The following ADAM18 variants were observed in gnomAD, a reference collection of about 807,000 sequenced individuals.
The protein encoded by ADAM18 is disintegrin and metalloproteinase domain-containing protein 18.
In ADAM18, 117 loss-of-function variants were observed where a neutral mutation model predicts 94.4. The observed-to-expected ratio is 1.24, with a 90% CI of 1.07 to 1.45. The LOEUF is 1.45. Ranked by LOEUF, ADAM18 falls within the 40% of genes most tolerant of loss-of-function variation. The pLI, the probability that ADAM18 is intolerant of heterozygous loss-of-function variation, is 0.00. For synonymous variants in ADAM18, 327 were observed against 291.6 expected (o/e 1.12, Z -1.24); for missense variants, 936 against 880.0 (o/e 1.06, Z -0.81).
chr8:39,691,467 C>A (rs1821778831), intron 16 of ADAM18, among the ~76,000 whole-genome samples: 1 of 152,154 alleles, frequency 6.6e-6, no homozygotes. Context: ...CATCCCACTA[C>A]TGGGTGTTTA....
At chr8:39,681,782 G>A (rs1484659734) in intron 16 of ADAM18, among the ~76,000 whole-genome samples, 1 of 152,056 alleles carries the variant, frequency 6.6e-6, no homozygotes, top group Non-Finnish European at 1.5e-5. Flanking sequence ...AGGAAGTAAG[G>A]TTCTTTTTAT....
intron 18 of ADAM18, among the ~76,000 whole-genome samples, chr8:39,711,864 C>A (rs1021277359): frequency 1.3e-5 from 2 of 150,924 alleles, no homozygotes; most frequent in Non-Finnish European, 3.0e-5. Context: ...CATAATGCCC[C>A]AAAACTTTTA....
At chr8:39,697,986 T>G (rs540691162) in intron 17 of ADAM18, among the ~76,000 whole-genome samples, 1 of 151,928 alleles carries the variant, frequency 6.6e-6, no homozygotes, top group East Asian at 1.9e-4. Context: ...CTTTCTTAAG[T>G]TTTGGACATT....
At chr8:39,626,543 C>T (rs1401148617) in intron 6 of ADAM18, among the ~76,000 whole-genome samples, 12 of 151,870 alleles carry the variant, frequency 7.9e-5, no homozygotes, top group Non-Finnish European at 2.9e-5. Flanking sequence ...GCATTTGGTG[C>T]TATAAACTTT....
At position 39,642,072 on chromosome 8, in the gene ADAM18, C is replaced by T. The variant is rs146599715; in HGVS notation, c.910-3266C>T. ...CATGTATTTCTTCTTTTGAAAAATG[C>T]CTGTTCGTGTCCTTTGCCCAATTTT... On this transcript the variant is annotated intron_variant, in intron 10 of 19. Coordinates refer to ENST00000265707, the MANE Select transcript of ADAM18 (RefSeq NM_014237.3). Among the ~76,000 whole-genome samples the T allele has an allele frequency of 4.7e-3, 710 of 152,078 alleles. 8 individuals are homozygous for T. Among genetic ancestry groups the T allele is most frequent in the South Asian group, 0.023 (111 of 4,818 alleles).
At position 39,629,398 on chromosome 8, in the gene ADAM18, C is replaced by A; in HGVS notation, c.547C>A (p.Pro183Thr). The change falls in exon 7 of 20, where the codon CCC becomes ACC. Residue 183 changes from proline (P) to threonine (T), a missense_variant. Physicochemically the swap from Pro to Thr is conservative, Grantham distance 38 (BLOSUM62 -1). Coordinates refer to ENST00000265707, the MANE Select transcript of ADAM18 (RefSeq NM_014237.3). ...GATAAAAAATCTTTCAAAACTATTA[C>A]CCCAATATCTGGAAATATACATTAT... The part of the protein sequence containing the change: ...SQIKNLSKLL[P>T]QYLEIYIIVE... The A allele has an allele frequency of 3.8e-6, 6 of 1,583,886 alleles. No homozygotes were observed. Among genetic ancestry groups the A allele is most frequent in the Non-Finnish European group, 5.2e-6 (6 of 1,162,548 alleles).
intron 6 of ADAM18, among the ~76,000 whole-genome samples, chr8:39,614,360 T>C (rs1819373521): frequency 6.6e-6 from 1 of 152,184 alleles, no homozygotes. Context: ...GAATTAAATA[T>C]CCATCCAAAC....
chr8:39,645,310 A>G, intron 10 of ADAM18, 28 bp from the exon 11 acceptor site: 1 of 1,562,136 alleles, frequency 6.4e-7, no homozygotes, highest in Non-Finnish European at 8.7e-7. Flanking sequence ...ACACATAATA[A>G]TTTTCTTTTT....
intron 2 of ADAM18, among the ~76,000 whole-genome samples, chr8:39,598,066 C>G (rs1310880459): frequency 2.0e-5 from 3 of 152,146 alleles, no homozygotes; most frequent in Non-Finnish European, 4.4e-5. Flanking sequence ...TTCACATTCC[C>G]CTCCTTCATT....
At chr8:39,599,082 A>G (rs1004206561) in intron 2 of ADAM18, among the ~76,000 whole-genome samples, 1 of 152,126 alleles carries the variant, frequency 6.6e-6, no homozygotes, top group Non-Finnish European at 1.5e-5. Flanking sequence ...AAGCGCTAGG[A>G]TTACATGCAT....
chr8:39,627,534 C>A, intron 6 of ADAM18, among the ~76,000 whole-genome samples: 1 of 152,096 alleles, frequency 6.6e-6, no homozygotes, highest in East Asian at 1.9e-4. Flanking sequence ...AATAGCACCT[C>A]CTGCTTGCCT....
rs571686801 is a variant in ADAM18, at chr8:39,720,713, A to G, written c.2018-3035A>G. 2.6e-5 allele frequency among the ~76,000 whole-genome samples: 4 copies of G among 151,550 alleles called. No homozygotes were observed. In the East Asian group the frequency reaches 7.7e-4, roughly 29 times the overall value. ...GTTTGCATTTCATTTTATATGAGGA[A>G]TAACTATGAAAAGAAGAAAAATACC... is the stretch of plus-strand genomic sequence containing the variant. On this transcript the variant is annotated intron_variant, in intron 18 of 19. Transcript: ENST00000265707.
At chr8:39,712,431 A>G (rs1822439202) in intron 18 of ADAM18, among the ~76,000 whole-genome samples, 2 of 152,328 alleles carry the variant, frequency 1.3e-5, no homozygotes, top group East Asian at 3.9e-4. Context: ...TAGTGTTGGA[A>G]GTTCTGGTCA....
intron 10 of ADAM18, among the ~76,000 whole-genome samples, chr8:39,639,966 GA>G (rs1235502232): frequency 1.3e-5 from 2 of 151,962 alleles, no homozygotes; most frequent in Non-Finnish European, 2.9e-5. Flanking sequence ...TACTGACAAA[GA>G]AAAATGGGAA....
At chr8:39,600,721 A>C (rs1818875965) in intron 2 of ADAM18, among the ~76,000 whole-genome samples, 1 of 152,198 alleles carries the variant, frequency 6.6e-6, no homozygotes, top group East Asian at 1.9e-4. Flanking sequence ...GCCCATGAGG[A>C]ACTGGGTGTT....
At chr8:39,711,258 A>AAC (rs1822388070) in intron 18 of ADAM18, among the ~76,000 whole-genome samples, 1 of 152,174 alleles carries the variant, frequency 6.6e-6, no homozygotes, top group Admixed American at 6.5e-5. Context: ...TTCAAAAATC[A>AAC]AGAAACTGGC....
intron 17 of ADAM18, among the ~76,000 whole-genome samples, chr8:39,697,671 T>G (rs1459997663): frequency 6.6e-6 from 1 of 151,776 alleles, no homozygotes; most frequent in East Asian, 1.9e-4. Context: ...TGTTAAAAAT[T>G]TTCCTCAGCC....
At chr8:39,638,667 T>G (rs1449667755) in intron 10 of ADAM18, 121 bp downstream of exon 10, 3 of 470,414 alleles carry the variant, frequency 6.4e-6, no homozygotes, top group African/African-American at 4.1e-5. Flanking sequence ...ATATGTATAT[T>G]CATTATTATT....
chr8:39,725,281 A>G (rs542483284), intron 19 of ADAM18, among the ~76,000 whole-genome samples: 122 of 152,232 alleles, frequency 8.0e-4, no homozygotes, highest in Non-Finnish European at 1.4e-3. Flanking sequence ...CATCAAGGCC[A>G]TAAATATATC....
Sources: gnomAD v4.1 joint callset for allele counts (sites outside exome capture counted in the v4.1 genomes callset) on GRCh38, gnomAD v4.1.1 for gene constraint, MANE v1.5 for transcripts, NCBI Gene and HGNC (gene_info 2026-07-23, HGNC 2026-07-21) for gene names.